The following LARP1 variants were observed in gnomAD, a reference collection of about 807,000 sequenced individuals.
LARP1 encodes the protein la-related protein 1.
LARP1 carries 36 observed loss-of-function variants against 122.7 expected under a neutral mutation model. That is an observed-to-expected ratio of 0.29 (90% CI 0.22 to 0.39). The LOEUF (loss-of-function observed/expected upper bound fraction) is 0.39, where lower values mean the gene tolerates loss of function less well. LARP1 is among the 10% of genes least tolerant of loss of function. LARP1 has a pLI of 1.00. For synonymous variants in LARP1, 539 were observed against 528.7 expected (o/e 1.02, Z -0.27); for missense variants, 1,040 against 1,403.6 (o/e 0.74, Z 4.14).
intron 1 of LARP1, among the ~76,000 whole-genome samples, chr5:154,770,377 G>A (rs1205310526): frequency 6.6e-6 from 1 of 152,114 alleles, no homozygotes; most frequent in Non-Finnish European, 1.5e-5. Flanking sequence ...GATCAGAAGG[G>A]TAGTTTAGGC....
In LARP1 at chr5:154,802,281, A is replaced by G; in HGVS notation, c.1991A>G (p.Asn664Ser). Residue 664 changes from asparagine to serine, a missense_variant, in exon 11 of 19, where the codon AAC becomes AGC. Around this residue, in one of 8 missense-constraint regions of LARP1, gnomAD observed 362 missense variants for 533.1 expected, o/e 0.68. Coordinates refer to ENST00000518297, the MANE Select transcript of LARP1 (RefSeq NM_033551.3). The surrounding 1 kb of genome is among the most constrained non-coding windows in gnomAD (Gnocchi z 5.1). ...CACCCAGGGGGGGACCGCACAGGCAACCACACCTCGCGTGCCAAGATGAGC... is the reference window on the plus strand; with the variant it reads ...CACCCAGGGGGGGACCGCACAGGCAGCCACACCTCGCGTGCCAAGATGAGC... ...RRHPGGDRTGNHTSRAKMSAE... is the reference protein window; with the variant it reads ...RRHPGGDRTGSHTSRAKMSAE... 1.9e-6 allele frequency: 3 copies of G among 1,614,190 alleles called. No individual in the cohort carries two copies. Among genetic ancestry groups the G allele is most frequent in the Middle Eastern group, 1.6e-4 (1 of 6,062 alleles).
intron 16 of LARP1, among the ~76,000 whole-genome samples, chr5:154,810,552 A>G (rs952747854): frequency 2.0e-5 from 3 of 151,876 alleles, no homozygotes; most frequent in Non-Finnish European, 4.4e-5. Context: ...CAGTGGCGCA[A>G]TCTCGGCTCA....
intron 1 of LARP1, among the ~76,000 whole-genome samples, chr5:154,763,293 C>G (rs569008563): frequency 6.6e-6 from 1 of 151,958 alleles, no homozygotes; most frequent in Non-Finnish European, 1.5e-5. Flanking sequence ...AACTCCTGAC[C>G]TCAGGTGATC....
rs544669395 is a variant in LARP1, at chr5:154,797,311, G to T, written c.1377+1992G>T. On this transcript the variant is annotated intron_variant, in intron 8 of 18. Transcript: ENST00000518297. ...TGCAGTGGCATGGTCTCAGCTCACT[G>T]CAACCTCCACCTCCCAGGTTTAAGC... Among the ~76,000 whole-genome samples the T allele has an allele frequency of 1.1e-3, 139 of 126,478 alleles. 1 individual carries two copies. Among genetic ancestry groups the T allele is most frequent in the African/African-American group, 4.0e-3 (131 of 33,038 alleles). The allele number at this position is 126,478 out of a possible 152,430, so 83.0% of individuals were successfully genotyped here.
intron 1 of LARP1, among the ~76,000 whole-genome samples, chr5:154,745,814 T>C (rs560575417): frequency 9.9e-5 from 15 of 151,902 alleles, no homozygotes; most frequent in South Asian, 2.1e-4. Flanking sequence ...TTTTTTTTCT[T>C]GAGACGAAGT....
intron 1 of LARP1, among the ~76,000 whole-genome samples, chr5:154,764,428 A>G (rs548564552): frequency 6.6e-6 from 1 of 151,240 alleles, no homozygotes; most frequent in South Asian, 2.1e-4. Context: ...ACATAGTGAG[A>G]GACCCCATCT....
chr5:154,796,127 A>G (rs1474193194), intron 8 of LARP1, among the ~76,000 whole-genome samples: 2 of 124,248 alleles, frequency 1.6e-5, no homozygotes, highest in Non-Finnish European at 3.2e-5. Context: ...TATATTATAT[A>G]TATTTTATAT....
rs1022974091 is a variant in LARP1, at chr5:154,755,746, G to T, written c.-12G>T. The T allele has an allele frequency of 3.7e-5, 37 of 987,422 alleles. No individual in the cohort carries two copies. The highest frequency in any genetic ancestry group is 4.3e-5 in the Non-Finnish European group (36 of 830,480). 61.2% of individuals were successfully genotyped at this position (987,422 alleles called of 1,614,324 possible). ...GGGCGCGCCCGGCTTCTCCGGGGGG[G>T]CGGGCGCGCAGATGGCCACTCAGGT... On this transcript the variant is annotated 5_prime_UTR_variant, in exon 1 of 19. Transcript: ENST00000518297.
At chr5:154,770,379 A>G (rs1487884570) in intron 1 of LARP1, among the ~76,000 whole-genome samples, 1 of 152,098 alleles carries the variant, frequency 6.6e-6, no homozygotes, top group Non-Finnish European at 1.5e-5. Context: ...TCAGAAGGGT[A>G]GTTTAGGCAG....
chr5:154,722,764 T>A (rs1755957473), intron 1 of LARP1, among the ~76,000 whole-genome samples: 1 of 144,650 alleles, frequency 6.9e-6, no homozygotes, highest in South Asian at 2.4e-4. Flanking sequence ...CACTGCAACA[T>A]CTGCCTCCCA....
intron 1 of LARP1, among the ~76,000 whole-genome samples, chr5:154,704,839 C>T (rs1218097290): frequency 2.7e-5 from 4 of 150,238 alleles, no homozygotes; most frequent in Non-Finnish European, 3.0e-5. Context: ...AGGACAGGGC[C>T]GGGCATAGTG....
intron 14 of LARP1, 188 bp from the exon 15 acceptor site, chr5:154,805,691 ACT>A (rs976619208): frequency 4.5e-5 from 27 of 602,846 alleles, no homozygotes; most frequent in South Asian, 2.0e-4. Flanking sequence ...CCTCTGTAAA[ACT>A]CTCTGAGAGT....
At chr5:154,770,467 TC>T (rs971869172) in intron 1 of LARP1, among the ~76,000 whole-genome samples, 75 of 152,174 alleles carry the variant, frequency 4.9e-4, no homozygotes, top group African/African-American at 1.8e-3. Flanking sequence ...AGGCTACCTC[TC>T]CCGGCCTGTC....
At chr5:154,765,884 C>G (rs2113628104) in intron 1 of LARP1, among the ~76,000 whole-genome samples, 1 of 152,296 alleles carries the variant, frequency 6.6e-6, no homozygotes, top group East Asian at 1.9e-4. Context: ...ATGTGTCAGA[C>G]ATAGGGGATA....
At chr5:154,734,728 G>C (rs1756778990) in intron 1 of LARP1, among the ~76,000 whole-genome samples, 1 of 152,040 alleles carries the variant, frequency 6.6e-6, no homozygotes, top group African/African-American at 2.4e-5. Flanking sequence ...TGTACATTCA[G>C]TAGCGTTAAG....
At chr5:154,773,865 G>C (rs74331937) in intron 1 of LARP1, among the ~76,000 whole-genome samples, 1,841 of 152,294 alleles carry the variant, frequency 0.012, 38 homozygotes, top group African/African-American at 0.042. Context: ...AAAAAGACCA[G>C]TTGGGCCAGA....
In LARP1 at chr5:154,802,511, T is replaced by G; in HGVS notation, c.2109+112T>G. Reference sequence around the variant, plus strand: ...AGGCAGGTCCTTATAATTCAGAGTCTCAGGATTTTTATATATGGGAAGGGG... The same window carrying G: ...AGGCAGGTCCTTATAATTCAGAGTCGCAGGATTTTTATATATGGGAAGGGG... On this transcript the variant is annotated intron_variant, in intron 11 of 18. Transcript: ENST00000518297. The surrounding 1 kb of genome is among the most constrained non-coding windows in gnomAD (Gnocchi z 5.1). 19 of 1,300,060 alleles carry G rather than the reference T, an allele frequency of 1.5e-5. No homozygotes were observed. Among genetic ancestry groups the G allele is most frequent in the Non-Finnish European group, 1.9e-5 (18 of 972,598 alleles). The allele number at this position is 1,300,060 out of a possible 1,614,324, so 80.5% of individuals were successfully genotyped here.
chr5:154,776,848 T>C (rs925464342), intron 1 of LARP1, among the ~76,000 whole-genome samples: 5 of 152,346 alleles, frequency 3.3e-5, no homozygotes, highest in South Asian at 2.1e-4. Flanking sequence ...TCCTGCTGAA[T>C]GGGAGTCACT....
At chr5:154,729,756 C>T in intron 1 of LARP1, 1 of 224,558 alleles carries the variant, frequency 4.5e-6, no homozygotes, top group South Asian at 6.4e-5. Flanking sequence ...GAAAAAACTT[C>T]AATGTATTCC....
Sources: gnomAD v4.1 joint callset for allele counts (sites outside exome capture counted in the v4.1 genomes callset) on GRCh38, gnomAD v4.1.1 for gene constraint, gnomAD v4.1.1 regional missense constraint, Gnocchi (gnomAD v3.1) non-coding constraint, MANE v1.5 for transcripts, NCBI Gene and HGNC (gene_info 2026-07-23, HGNC 2026-07-21) for gene names.